Variants in WWC1 observed in about 807,000 individuals in gnomAD.
WWC1 encodes the protein protein KIBRA.
A neutral mutation model predicts 138.4 loss-of-function variants in WWC1; 55 were observed. That is an observed-to-expected ratio of 0.40 (90% CI 0.32 to 0.50). The LOEUF (loss-of-function observed/expected upper bound fraction) is 0.50. Among genes scored for constraint, WWC1 ranks in the 20% least tolerant of loss-of-function variants. The probability of loss-of-function intolerance (pLI) is 0.72; values close to 1 mark genes in which losing one functional copy is unlikely to be tolerated. For synonymous variants in WWC1, 524 were observed against 564.9 expected, an observed-to-expected ratio of 0.93 and a Z score of 1.03; for missense variants, 1,226 against 1,420.4, an observed-to-expected ratio of 0.86 and a Z score of 2.20.
At chr5:168,447,759 A>G (rs542089786) in intron 17 of WWC1, among the ~76,000 whole-genome samples, 2 of 148,464 alleles carry the variant, frequency 1.3e-5, no homozygotes, top group South Asian at 4.3e-4. Flanking sequence ...AATTGTCTCA[A>G]TCTCTCTCTC....
Position 168,399,499 on chromosome 5 carries a change from G to A in WWC1, c.522G>A (p.Leu174=), listed in dbSNP as rs1204107760. 1 of 1,614,144 alleles carries A rather than the reference G, an allele frequency of 6.2e-7. No homozygotes were observed. The highest frequency in any genetic ancestry group is 8.5e-7 in the Non-Finnish European group (1 of 1,180,032). Residue 174 remains leucine (L), a synonymous_variant, in exon 5 of 23, where the codon CTG becomes CTA. Transcript: ENST00000265293. ...CTGCTGCCCTCCAGGTCAACAAGCT[G>A]AAGAGAGAGATGGTTCACCTCCAGC... The part of the protein sequence containing the change: ...IATAKSRVNK[L]KREMVHLQHE...
At chr5:168,307,662 T>G (rs1770696593) in intron 1 of WWC1, among the ~76,000 whole-genome samples, 1 of 148,132 alleles carries the variant, frequency 6.8e-6, no homozygotes, top group African/African-American at 2.5e-5. Flanking sequence ...TGGAGTGCAG[T>G]GGTGCGATCT....
chr5:168,324,937 A>C (rs953957437), intron 1 of WWC1, among the ~76,000 whole-genome samples: 1 of 152,322 alleles, frequency 6.6e-6, no homozygotes, highest in South Asian at 2.1e-4. Flanking sequence ...AAAAGACATG[A>C]CCATCCTAAA....
intron 1 of WWC1, among the ~76,000 whole-genome samples, chr5:168,360,325 G>T (rs1775791993): frequency 6.6e-6 from 1 of 152,112 alleles, no homozygotes; most frequent in Admixed American, 6.6e-5. Flanking sequence ...GATAGTGCCT[G>T]GCATTTTGCA....
At chr5:168,375,296 T>A (rs1777078978) in intron 2 of WWC1, among the ~76,000 whole-genome samples, 1 of 151,798 alleles carries the variant, frequency 6.6e-6, no homozygotes, top group Non-Finnish European at 1.5e-5. Context: ...GAAAGAGTGA[T>A]CAGAAAGGAG....
chr5:168,404,095 T>G (rs1005746449), intron 5 of WWC1, among the ~76,000 whole-genome samples: 20 of 152,150 alleles, frequency 1.3e-4, no homozygotes, highest in African/African-American at 4.8e-4. Context: ...TAGAGGCTGT[T>G]GGAGGCCTGG....
At chr5:168,411,217 G>A (rs1370915042) in intron 8 of WWC1, among the ~76,000 whole-genome samples, 1 of 152,094 alleles carries the variant, frequency 6.6e-6, no homozygotes, top group African/African-American at 2.4e-5. Context: ...GTGAGCTACC[G>A]CACCCGGCCA....
intron 18 of WWC1, 114 bp downstream of exon 18, chr5:168,454,214 C>T (rs1163709528): frequency 4.1e-6 from 6 of 1,470,190 alleles, no homozygotes; most frequent in Non-Finnish European, 5.5e-6. Flanking sequence ...CATCAGGGCA[C>T]AAGCCCTCAT....
intron 8 of WWC1, chr5:168,412,266 G>A (rs1329116919): frequency 1.0e-5 from 9 of 894,990 alleles, no homozygotes; most frequent in African/African-American, 1.8e-5. Context: ...TCATTTTAGT[G>A]TAAAGGACAG....
chr5:168,339,276 G>A (rs937960353), intron 1 of WWC1, among the ~76,000 whole-genome samples: 2 of 152,132 alleles, frequency 1.3e-5, no homozygotes, highest in Non-Finnish European at 1.5e-5. Flanking sequence ...GACTCTAAGA[G>A]CAGAGGGATG....
At chr5:168,365,342 A>G (rs115908805) in intron 1 of WWC1, among the ~76,000 whole-genome samples, 2,284 of 152,254 alleles carry the variant, frequency 0.015, 55 homozygotes, top group African/African-American at 0.052. Context: ...CCGCCCAGCC[A>G]GCCCTCAGAG....
At chr5:168,388,199 TC>T (rs1490635726) in intron 3 of WWC1, among the ~76,000 whole-genome samples, 1 of 152,032 alleles carries the variant, frequency 6.6e-6, no homozygotes, top group Non-Finnish European at 1.5e-5. Flanking sequence ...TCATGAAGGA[TC>T]CCTCACAAGA....
chr5:168,420,478 G>A (rs1299533971), intron 9 of WWC1, among the ~76,000 whole-genome samples: 1 of 152,140 alleles, frequency 6.6e-6, no homozygotes, highest in Non-Finnish European at 1.5e-5. Context: ...AGGTACTGCT[G>A]CTTAGGACTT....
chr5:168,408,454 C>T, intron 6 of WWC1, 53 bp from the exon 7 acceptor site: 1 of 1,597,718 alleles, frequency 6.3e-7, no homozygotes, highest in East Asian at 2.2e-5. Flanking sequence ...GTGGCAGACC[C>T]AGAGCTCCCT....
intron 1 of WWC1, among the ~76,000 whole-genome samples, chr5:168,359,299 C>G (rs1775707326): frequency 6.6e-6 from 1 of 152,154 alleles, no homozygotes; most frequent in Non-Finnish European, 1.5e-5. Flanking sequence ...GGTGATCCAC[C>G]CACCTCAACG....
chr5:168,340,588 G>A (rs904681516), intron 1 of WWC1, among the ~76,000 whole-genome samples: 11 of 151,180 alleles, frequency 7.3e-5, no homozygotes, highest in Non-Finnish European at 1.6e-4. Context: ...CATACAATAT[G>A]TGACCTTTTG....
chr5:168,460,531 T>C, intron 19 of WWC1, 119 bp from the exon 20 acceptor site: 1 of 864,738 alleles, frequency 1.2e-6, no homozygotes, highest in South Asian at 1.6e-5. Context: ...ACCTGGGTGT[T>C]TGCAGAAGGA....
rs535340053 is a variant in WWC1 at position 168,318,879 on chromosome 5, T to C, written c.119+26608T>C. On this transcript the variant is annotated intron_variant, in intron 1 of 22. Coordinates refer to ENST00000265293, the MANE Select transcript of WWC1 (RefSeq NM_015238.3). Reference sequence around the variant, plus strand: ...CTGGCCTGTGACTGGCTATTTTACTTAGCATAATGTTCTCAAGGTTTATCT... The same window carrying C: ...CTGGCCTGTGACTGGCTATTTTACTCAGCATAATGTTCTCAAGGTTTATCT... Among the ~76,000 whole-genome samples the C allele has an allele frequency of 4.6e-5, 7 of 152,284 alleles. 1 individual carries two copies. The highest frequency in any genetic ancestry group is 1.7e-4 in the African/African-American group (7 of 41,568).
chr5:168,411,854 G>T (rs548639937), intron 8 of WWC1: 21 of 440,868 alleles, frequency 4.8e-5, no homozygotes, highest in Non-Finnish European at 6.3e-5. Context: ...TGTTTCCAGT[G>T]CTGGGAAAAG....
Sources: allele counts gnomAD v4.1 joint callset (sites outside exome capture counted in the v4.1 genomes callset), GRCh38; gene constraint gnomAD v4.1.1; transcripts MANE v1.5; gene names NCBI Gene and HGNC (gene_info 2026-07-23, HGNC 2026-07-21).